DNM1: variants seen among roughly 807,000 people sequenced by gnomAD.
DNM1 encodes dynamin-1.
In DNM1, 29 loss-of-function variants were observed where a neutral mutation model predicts 104.6. That is an observed-to-expected ratio of 0.28 (90% CI 0.21 to 0.38). The LOEUF is 0.38. DNM1 is among the 10% of genes least tolerant of loss of function. DNM1 has a pLI of 1.00. For synonymous variants in DNM1, 445 were observed against 475.8 expected (o/e 0.94, Z 0.84); for missense variants, 640 against 1,189.4 (o/e 0.54, Z 6.79).
chr9:128,233,374 T>C (rs1835815928), intron 10 of DNM1, among the ~76,000 whole-genome samples: 1 of 152,186 alleles, frequency 6.6e-6, no homozygotes, highest in South Asian at 2.1e-4. Flanking sequence ...CTCATGCTGC[T>C]GGCCCCCGCC....
intron 1 of DNM1, among the ~76,000 whole-genome samples, chr9:128,208,194 G>C (rs1441537727): frequency 6.6e-6 from 1 of 152,014 alleles, no homozygotes; most frequent in Non-Finnish European, 1.5e-5. Context: ...CAAGTAGCTG[G>C]GATTACAGGC....
In DNM1 at chr9:128,253,684, G is replaced by C. The variant is rs908071918; in HGVS notation, c.2535-970G>C. 3 of 248,084 alleles carry C rather than the reference G, an allele frequency of 1.2e-5. No individual in the cohort carries two copies. The highest frequency in any genetic ancestry group is 6.7e-5 in the African/African-American group (3 of 44,636). 15.4% of individuals were successfully genotyped at this position (248,084 alleles called of 1,614,324 possible). A position where few individuals can be genotyped will look rare whatever the true frequency, so the allele number is the denominator to read the frequency against. ...TCCTCTATCTGCCGGCAATCCAGTGGTGACCTAGGGTAAAAGCTTGAGAGT... is the reference window on the plus strand; with the variant it reads ...TCCTCTATCTGCCGGCAATCCAGTGCTGACCTAGGGTAAAAGCTTGAGAGT... On this transcript the variant is annotated intron_variant, in intron 21 of 21. Transcript: ENST00000372923. This position sits in a 1 kb window ranked among gnomAD's most constrained non-coding sequence, Gnocchi z 5.9.
Position 128,222,218 on chromosome 9 carries a change from G to A in DNM1, c.871G>A (p.Asp291Asn). 6.2e-7 allele frequency: 1 copy of A among 1,613,962 alleles called. No individual in the cohort carries two copies. The highest frequency in any genetic ancestry group is 8.5e-7 in the Non-Finnish European group (1 of 1,179,900). Residue 291 changes from aspartate (D) to asparagine (N), a missense_variant, in exon 7 of 22, where the codon GAC becomes AAC. Transcript: ENST00000372923. The surrounding 1 kb of genome is among the most constrained non-coding windows in gnomAD (Gnocchi z 7.8). ...LNQQLTNHIR[D>N]TLPGLRNKLQ... ...CCAGCAACTGACGAACCACATCCGG[G>A]ACACACTGCCGGGGCTGCGGAACAA...
chr9:128,210,336 G>A (rs887554385), intron 1 of DNM1, among the ~76,000 whole-genome samples: 8 of 113,872 alleles, frequency 7.0e-5, no homozygotes, highest in Middle Eastern at 5.1e-3. Flanking sequence ...TATTTTATTT[G>A]TATTTATTTG....
intron 10 of DNM1, among the ~76,000 whole-genome samples, chr9:128,225,700 G>A (rs1486219672): frequency 6.6e-6 from 1 of 152,132 alleles, no homozygotes; most frequent in Non-Finnish European, 1.5e-5. Flanking sequence ...GAGGAGCAGG[G>A]GAGCATCCCT....
chr9:128,216,846 C>T (rs941693086), intron 1 of DNM1, among the ~76,000 whole-genome samples: 6 of 152,210 alleles, frequency 3.9e-5, no homozygotes, highest in Non-Finnish European at 7.3e-5. Flanking sequence ...TTTTTCCCTC[C>T]CTGGGCCTCT....
In DNM1 at chr9:128,243,562, T is replaced by C. The variant is rs1371974156; in HGVS notation, c.1671+1217T>C. On this transcript the variant is annotated intron_variant, in intron 15 of 21. Transcript: ENST00000372923. The surrounding 1 kb of genome is among the most constrained non-coding windows in gnomAD (Gnocchi z 4.0). ...CATCTGGACCTCATTACCCCAACCC[T>C]GGCCTCCCCCACCATGGGGGCCCCT... is the stretch of plus-strand genomic sequence containing the variant. Among the ~76,000 whole-genome samples, 1 of 152,150 alleles carries C rather than the reference T, an allele frequency of 6.6e-6. No homozygotes were observed. Among genetic ancestry groups the C allele is most frequent in the African/African-American group, 2.4e-5 (1 of 41,454 alleles).
Position 128,248,699 on chromosome 9 carries a change from C to T in DNM1, c.2022C>T (p.Asn674=), listed in dbSNP as rs1381640351. 2 of 1,613,848 alleles carry T rather than the reference C, an allele frequency of 1.2e-6. No homozygotes were observed. Among genetic ancestry groups the T allele is most frequent in the Non-Finnish European group, 1.7e-6 (2 of 1,179,848 alleles). ...NLVDSYMAIV[N]KTVRDLMPKT... Reference sequence around the variant, plus strand: ...TGGACTCATACATGGCCATTGTCAACAAGACCGTGAGGGACCTCATGCCCA... The same window carrying T: ...TGGACTCATACATGGCCATTGTCAATAAGACCGTGAGGGACCTCATGCCCA... Residue 674 remains asparagine (N), a synonymous_variant, in exon 19 of 22, where the codon AAC becomes AAT. Transcript: ENST00000372923. This position sits in a 1 kb window ranked among gnomAD's most constrained non-coding sequence, Gnocchi z 5.6.
chr9:128,214,293 A>G (rs1035666075), intron 1 of DNM1, among the ~76,000 whole-genome samples: 1 of 152,192 alleles, frequency 6.6e-6, no homozygotes, highest in African/African-American at 2.4e-5. Flanking sequence ...TAAGCCTCAC[A>G]GCAACCCATT....
rs1197318047 is a variant in DNM1, at chr9:128,203,704, C to G, written c.161+73C>G. ...CTGGAGTCCCCGCCCGGGGCACTGA[C>G]GGCGCGGCGACCTCGCAGCCCCCGA... On this transcript the variant is annotated intron_variant, in intron 1 of 21. Coordinates refer to ENST00000372923, the MANE Select transcript of DNM1 (RefSeq NM_004408.4). The surrounding 1 kb of genome is among the most constrained non-coding windows in gnomAD (Gnocchi z 5.3). 1.5e-6 allele frequency: 2 copies of G among 1,334,648 alleles called. No homozygotes were observed. The highest frequency in any genetic ancestry group is 9.6e-7 in the Non-Finnish European group (1 of 1,041,556). The allele number at this position is 1,334,648 out of a possible 1,614,324, so 82.7% of individuals were successfully genotyped here. A position where few individuals can be genotyped will look rare whatever the true frequency, so the allele number is the denominator to read the frequency against.
At position 128,220,317 on chromosome 9, in the gene DNM1, C is replaced by T; in HGVS notation, c.825C>T (p.Pro275=). ...YRHLADRMGT[P]YLQKVLNQQL... ...ACTTGGCTGACCGTATGGGCACGCC[C>T]TACCTGCAGAAGGTCCTCAATCAGG... Residue 275 remains proline, a synonymous_variant, in exon 6 of 22, where the codon CCC becomes CCT. Coordinates refer to ENST00000372923, the MANE Select transcript of DNM1 (RefSeq NM_004408.4). This position sits in a 1 kb window ranked among gnomAD's most constrained non-coding sequence, Gnocchi z 5.2. 1 of 1,614,150 alleles carries T rather than the reference C, an allele frequency of 6.2e-7. No individual in the cohort carries two copies. The highest frequency in any genetic ancestry group is 8.5e-7 in the Non-Finnish European group (1 of 1,180,044).
chr9:128,239,865 G>T, intron 13 of DNM1, 86 bp downstream of exon 13: 1 of 1,558,110 alleles, frequency 6.4e-7, no homozygotes, highest in Non-Finnish European at 8.8e-7. Context: ...CTGAGGGGAA[G>T]GGTCCCACGG....
intron 1 of DNM1, among the ~76,000 whole-genome samples, chr9:128,216,036 A>G (rs1834583466): frequency 6.7e-6 from 1 of 149,532 alleles, no homozygotes; most frequent in African/African-American, 2.5e-5. Context: ...CCCCCAGCAA[A>G]CCCCCTCCCT....
chr9:128,209,565 C>T (rs1168104821), intron 1 of DNM1, among the ~76,000 whole-genome samples: 2 of 152,232 alleles, frequency 1.3e-5, no homozygotes, highest in Non-Finnish European at 2.9e-5. Flanking sequence ...AACAAACACA[C>T]CTTCATCACA....
At chr9:128,210,722 C>T (rs1834239456) in intron 1 of DNM1, among the ~76,000 whole-genome samples, 1 of 152,136 alleles carries the variant, frequency 6.6e-6, no homozygotes, top group Non-Finnish European at 1.5e-5. Flanking sequence ...GCAATTGAAT[C>T]AGAGGCAGGC....
At chr9:128,244,513 C>T (rs1378135102) in intron 15 of DNM1, among the ~76,000 whole-genome samples, 1 of 151,876 alleles carries the variant, frequency 6.6e-6, no homozygotes, top group East Asian at 1.9e-4. Flanking sequence ...CTGCCCACAT[C>T]CCCAGTCCCC....
In DNM1 at chr9:128,222,369, T is replaced by A. The variant is rs1337086939; in HGVS notation, c.992+30T>A. On this transcript the variant is annotated intron_variant, in intron 7 of 21. Coordinates refer to ENST00000372923, the MANE Select transcript of DNM1 (RefSeq NM_004408.4). This position sits in a 1 kb window ranked among gnomAD's most constrained non-coding sequence, Gnocchi z 7.8. ...GGCTCCCCCAGCTCCTATCACTGAA[T>A]CCCCGCCCCCAGCCTCTCAGCGTGG... is the stretch of plus-strand genomic sequence containing the variant. The A allele has an allele frequency of 6.2e-7, 1 of 1,608,452 alleles. No individual in the cohort carries two copies. Among genetic ancestry groups the A allele is most frequent in the Admixed American group, 1.7e-5 (1 of 59,740 alleles).
intron 16 of DNM1, 60 bp downstream of exon 16, chr9:128,246,563 A>T: frequency 1.6e-6 from 2 of 1,286,286 alleles, no homozygotes. Context: ...ACTGAGTAGA[A>T]GCTGGGTACA....
intron 15 of DNM1, chr9:128,244,919 C>A (rs1222154094): frequency 2.8e-6 from 1 of 357,316 alleles, no homozygotes; most frequent in Non-Finnish European, 6.1e-6. Context: ...CAGCCTGTGT[C>A]CCCCTAGCCC....
Sources: allele counts gnomAD v4.1 joint callset (sites outside exome capture counted in the v4.1 genomes callset), GRCh38; gene constraint gnomAD v4.1.1; non-coding constraint Gnocchi (gnomAD v3.1); transcripts MANE v1.5; gene names NCBI Gene and HGNC (gene_info 2026-07-23, HGNC 2026-07-21).